The following RARS2 variants were observed in gnomAD, a reference collection of about 807,000 sequenced individuals.
The protein encoded by RARS2 is probable arginine--tRNA ligase, mitochondrial.
Under a neutral mutation model 88.5 loss-of-function variants are expected in RARS2, and 67 were observed. The observed-to-expected ratio is 0.76, with a 90% CI of 0.62 to 0.93. The LOEUF (loss-of-function observed/expected upper bound fraction) is 0.93. Ranked by LOEUF, RARS2 falls within the 40% of genes least tolerant of loss-of-function variation. The pLI is 0.00. For synonymous variants in RARS2, 239 were observed against 230.3 expected, an observed-to-expected ratio of 1.04 and a Z score of -0.34; for missense variants, 664 against 684.2, an observed-to-expected ratio of 0.97 and a Z score of 0.33.
chr6:87,531,678 G>A (rs557699539), intron 8 of RARS2, among the ~76,000 whole-genome samples: 1 of 152,262 alleles, frequency 6.6e-6, no homozygotes, highest in Non-Finnish European at 1.5e-5. Context: ...AAGAACTAGG[G>A]TGGAGTTGAT....
intron 5 of RARS2, among the ~76,000 whole-genome samples, chr6:87,551,940 AAACAGTAAT>A (rs1247965523): frequency 6.6e-6 from 1 of 152,196 alleles, no homozygotes; most frequent in East Asian, 1.9e-4. Context: ...ATTAGAGAGG[AAACAGTAAT>A]TAGCTTCAAG....
At chr6:87,515,504 T>G (rs1416534737) in intron 18 of RARS2, among the ~76,000 whole-genome samples, 1 of 147,432 alleles carries the variant, frequency 6.8e-6, no homozygotes, top group African/African-American at 2.5e-5. Flanking sequence ...TGGGCAAGAG[T>G]GCGAGACTCT....
chr6:87,516,742 CCTT>C, intron 18 of RARS2, 61 bp downstream of exon 18: 1 of 1,595,500 alleles, frequency 6.3e-7, no homozygotes, highest in South Asian at 1.1e-5. Flanking sequence ...TTACAGGAAA[CCTT>C]TAGATGAAAG....
At chr6:87,534,690 A>G (rs1224343627) in intron 8 of RARS2, among the ~76,000 whole-genome samples, 1 of 152,150 alleles carries the variant, frequency 6.6e-6, no homozygotes, top group African/African-American at 2.4e-5. Flanking sequence ...GCAGGGAGCA[A>G]TGGCCAAGTG....
intron 16 of RARS2, 57 bp from the exon 17 acceptor site, chr6:87,518,321 C>T: frequency 1.2e-6 from 2 of 1,612,204 alleles, no homozygotes; most frequent in Non-Finnish European, 1.7e-6. Flanking sequence ...TACAAGGGCA[C>T]AGAGCTGCAA....
At chr6:87,535,772 G>T (rs1442098388) in intron 8 of RARS2, among the ~76,000 whole-genome samples, 1 of 150,720 alleles carries the variant, frequency 6.6e-6, no homozygotes, top group East Asian at 1.9e-4. Flanking sequence ...CACCTCCTGG[G>T]TTCAAGCGAT....
At chr6:87,536,096 G>T (rs2128087747) in intron 8 of RARS2, among the ~76,000 whole-genome samples, 1 of 151,914 alleles carries the variant, frequency 6.6e-6, no homozygotes, top group Non-Finnish European at 1.5e-5. Context: ...AATGGCTATG[G>T]TTACAAAAGC....
At position 87,565,231 on chromosome 6, in the gene RARS2, C is replaced by T. The variant is rs909857904; in HGVS notation, c.111-999G>A. Among the ~76,000 whole-genome samples, 64 of 152,262 alleles carry T rather than the reference C, an allele frequency of 4.2e-4. 1 individual carries two copies. Among genetic ancestry groups the T allele is most frequent in the African/African-American group, 1.5e-3 (64 of 41,538 alleles). On this transcript the variant is annotated intron_variant, in intron 2 of 19. Coordinates refer to ENST00000369536, the MANE Select transcript of RARS2 (RefSeq NM_020320.5). ...CCTCTACTACTCCAAATACATGCTT[C>T]TAATTCAAACCTCTCCACTGACCTC... is the stretch of plus-strand genomic sequence containing the variant.
intron 11 of RARS2, among the ~76,000 whole-genome samples, chr6:87,523,249 T>TTCAAAGCCAGAAGAATTTCAAAGCCAAA (rs1774546268): frequency 6.6e-6 from 1 of 152,168 alleles, no homozygotes; most frequent in African/African-American, 2.4e-5. Context: ...CCAGAAGACG[T>TTCAAAGCCAGAAGAATTTCAAAGCCAAA]GCTAGGTCAT....
intron 1 of RARS2, among the ~76,000 whole-genome samples, chr6:87,587,188 A>G (rs1775430371): frequency 6.6e-6 from 1 of 152,122 alleles, no homozygotes; most frequent in African/African-American, 2.4e-5. Context: ...CCCAGCTCCT[A>G]ATCTGAAAAT....
intron 2 of RARS2, among the ~76,000 whole-genome samples, chr6:87,564,817 G>A (rs1397311789): frequency 6.6e-6 from 1 of 151,730 alleles, no homozygotes; most frequent in Non-Finnish European, 1.5e-5. Flanking sequence ...CAGCACTTTG[G>A]GAGGCCGAGG....
In RARS2 at chr6:87,518,873, T is replaced by A; in HGVS notation, c.1256A>T (p.Asn419Ile). The A allele has an allele frequency of 6.2e-7, 1 of 1,614,018 alleles. No homozygotes were observed. Among genetic ancestry groups the A allele is most frequent in the Non-Finnish European group, 8.5e-7 (1 of 1,179,980 alleles). The change falls in exon 15 of 20, where the codon AAC (asparagine) becomes ATC (isoleucine). Residue 419 changes from asparagine to isoleucine, a missense_variant. Transcript: ENST00000369536. ...GACCCTCTCTGCAGTCTCTTGTGGG[T>A]TCTTGAGTTCTTTAGTTGCTGAAAC... ...ASIKTTKELK[N>I]PQETAERVGL...
At chr6:87,559,137 G>A (rs1786976520) in intron 4 of RARS2, among the ~76,000 whole-genome samples, 1 of 152,086 alleles carries the variant, frequency 6.6e-6, no homozygotes, top group Non-Finnish European at 1.5e-5. Context: ...TGTATAATGT[G>A]CTTGTTTTAA....
At chr6:87,532,608 G>A (rs1777869261) in intron 8 of RARS2, among the ~76,000 whole-genome samples, 1 of 152,216 alleles carries the variant, frequency 6.6e-6, no homozygotes, top group South Asian at 2.1e-4. Context: ...AGTCTGGAAA[G>A]CCTGGTTTCC....
chr6:87,579,715 G>GTTTTTTT (rs35014020), intron 1 of RARS2, among the ~76,000 whole-genome samples: 1 of 60,460 alleles, frequency 1.7e-5, no homozygotes, highest in Non-Finnish European at 2.9e-5. Context: ...CATAGAGCAT[G>GTTTTTTT]TTTTTTTTTT....
chr6:87,586,845 T>C (rs1320903280), intron 1 of RARS2, among the ~76,000 whole-genome samples: 2 of 152,174 alleles, frequency 1.3e-5, no homozygotes, highest in African/African-American at 4.8e-5. Flanking sequence ...TATACTTACC[T>C]GTTGAGCATC....
At chr6:87,558,777 G>A (rs1786859063) in intron 4 of RARS2, among the ~76,000 whole-genome samples, 2 of 152,190 alleles carry the variant, frequency 1.3e-5, no homozygotes, top group South Asian at 4.2e-4. Flanking sequence ...TAATAATAAA[G>A]GACTGTACTG....
intron 4 of RARS2, among the ~76,000 whole-genome samples, chr6:87,562,396 A>G (rs1312010156): frequency 1.3e-5 from 2 of 152,358 alleles, no homozygotes; most frequent in South Asian, 2.1e-4. Context: ...CAGTAAAAAT[A>G]TGGTATTGTC....
At chr6:87,555,344 G>T in intron 5 of RARS2, 64 bp downstream of exon 5, 1 of 1,232,076 alleles carries the variant, frequency 8.1e-7, no homozygotes, top group Non-Finnish European at 1.2e-6. Flanking sequence ...AAATAATGAT[G>T]GTAATAACAC....
Sources: allele counts gnomAD v4.1 joint callset (sites outside exome capture counted in the v4.1 genomes callset), GRCh38; gene constraint gnomAD v4.1.1; transcripts MANE v1.5; gene names NCBI Gene and HGNC (gene_info 2026-07-23, HGNC 2026-07-21).